The following DLGAP2 variants were observed in gnomAD, a reference collection of about 807,000 sequenced individuals.
DLGAP2 encodes the protein DLG associated protein 2.
A neutral mutation model predicts 100.3 loss-of-function variants in DLGAP2; 26 were observed. The ratio of observed to expected loss-of-function variants is 0.26; its 90% CI spans 0.19 to 0.36. The LOEUF is 0.36. DLGAP2 is among the 10% of genes least tolerant of loss of function. The pLI is 1.00. For synonymous variants in DLGAP2, 886 were observed against 630.1 expected, an observed-to-expected ratio of 1.41 and a Z score of -6.08; for missense variants, 1,858 against 1,453.2, an observed-to-expected ratio of 1.28 and a Z score of -4.53.
intron 2 of DLGAP2, among the ~76,000 whole-genome samples, chr8:1,124,117 A>C (rs538904846): frequency 6.6e-6 from 1 of 152,292 alleles, no homozygotes; most frequent in African/African-American, 2.4e-5. Flanking sequence ...CCAGAGTTTA[A>C]CGCCAATAAA....
chr8:1,491,145 C>T (rs1178828571), intron 3 of DLGAP2, among the ~76,000 whole-genome samples: 1 of 125,722 alleles, frequency 8.0e-6, no homozygotes, highest in East Asian at 2.4e-4. Context: ...AAAAAAAAAT[C>T]CAGGACGCCC....
chr8:1,224,552 C>A (rs1798377360), intron 2 of DLGAP2, among the ~76,000 whole-genome samples: 1 of 151,756 alleles, frequency 6.6e-6, no homozygotes, highest in African/African-American at 2.4e-5. Context: ...AGAAAAAAAT[C>A]AATGAAACTG....
intron 12 of DLGAP2, among the ~76,000 whole-genome samples, chr8:1,685,675 G>T (rs1198345322): frequency 6.6e-6 from 1 of 151,986 alleles, no homozygotes; most frequent in Non-Finnish European, 1.5e-5. Context: ...GAAAATGTCT[G>T]CAAACTGCCC....
At chr8:1,092,391 T>G (rs1388210532) in intron 2 of DLGAP2, among the ~76,000 whole-genome samples, 1 of 152,198 alleles carries the variant, frequency 6.6e-6, no homozygotes, top group African/African-American at 2.4e-5. Flanking sequence ...TCTTATAGCC[T>G]TTGCCGTCAG....
chr8:1,438,730 C>T (rs1301685648), intron 3 of DLGAP2, among the ~76,000 whole-genome samples: 2 of 152,196 alleles, frequency 1.3e-5, no homozygotes, highest in Non-Finnish European at 2.9e-5. Flanking sequence ...TCCGCATGCA[C>T]AGACTGTGAT....
At chr8:1,700,496 T>G (rs1256005220) in intron 14 of DLGAP2, among the ~76,000 whole-genome samples, 1 of 152,176 alleles carries the variant, frequency 6.6e-6, no homozygotes, top group Non-Finnish European at 1.5e-5. Flanking sequence ...TGGGAACAAG[T>G]GCAAGCATTA....
intron 2 of DLGAP2, among the ~76,000 whole-genome samples, chr8:1,207,394 G>A (rs1016981570): frequency 6.6e-6 from 1 of 152,212 alleles, no homozygotes; most frequent in South Asian, 2.1e-4. Context: ...CCAGGCTGCC[G>A]CAAATGCCAT....
chr8:1,192,059 G>T (rs57698762), intron 2 of DLGAP2, among the ~76,000 whole-genome samples: 1 of 152,240 alleles, frequency 6.6e-6, no homozygotes, highest in African/African-American at 2.4e-5. Flanking sequence ...CAGCCTCCCA[G>T]GGCTCTCTGA....
intron 3 of DLGAP2, among the ~76,000 whole-genome samples, chr8:1,429,447 C>G (rs1797344739): frequency 6.6e-6 from 1 of 152,050 alleles, no homozygotes. Flanking sequence ...ATTGCTGTGG[C>G]TTCCATACTA....
chr8:1,322,804 C>T (rs527563181), intron 3 of DLGAP2, among the ~76,000 whole-genome samples: 2 of 152,244 alleles, frequency 1.3e-5, no homozygotes, highest in South Asian at 2.1e-4. Context: ...TCTGATAAGC[C>T]GAGTTAATAA....
chr8:936,941 G>A (rs1380574390), intron 2 of DLGAP2, among the ~76,000 whole-genome samples: 3 of 152,194 alleles, frequency 2.0e-5, no homozygotes, highest in African/African-American at 4.8e-5. Flanking sequence ...ACGTCAATGG[G>A]TAATCAATAC....
chr8:1,140,699 C>G (rs1191796314), intron 2 of DLGAP2, among the ~76,000 whole-genome samples: 2 of 152,202 alleles, frequency 1.3e-5, no homozygotes, highest in Non-Finnish European at 1.5e-5. Context: ...TGGCCGGGCA[C>G]AATGACTCAT....
At chr8:1,122,220 GA>G (rs1055874900) in intron 2 of DLGAP2, among the ~76,000 whole-genome samples, 14 of 152,300 alleles carry the variant, frequency 9.2e-5, no homozygotes, top group Non-Finnish European at 1.8e-4. Context: ...AATGAAATGG[GA>G]CATCACTGGG....
chr8:1,020,817 C>T (rs1009892453), intron 2 of DLGAP2, among the ~76,000 whole-genome samples: 10 of 152,170 alleles, frequency 6.6e-5, no homozygotes, highest in South Asian at 4.1e-4. Flanking sequence ...CCAGGCTTTA[C>T]GGCTCCAGAG....
At chr8:1,253,376 G>A (rs986432766) in intron 2 of DLGAP2, among the ~76,000 whole-genome samples, 3 of 152,346 alleles carry the variant, frequency 2.0e-5, no homozygotes, top group Admixed American at 1.3e-4. Flanking sequence ...TTGGTGTCAG[G>A]AGGGAGGGCG....
intron 3 of DLGAP2, among the ~76,000 whole-genome samples, chr8:1,428,286 A>C (rs1435617621): frequency 1.3e-5 from 2 of 152,160 alleles, no homozygotes; most frequent in Admixed American, 6.5e-5. Flanking sequence ...TTATGATGTA[A>C]AATTTAAAAA....
chr8:1,475,932 T>G (rs1476974096), intron 3 of DLGAP2, among the ~76,000 whole-genome samples: 1 of 152,220 alleles, frequency 6.6e-6, no homozygotes, highest in African/African-American at 2.4e-5. Context: ...AAATGTCTTC[T>G]TCATTATAAA....
At chr8:811,092 A>G (rs550265074) in intron 1 of DLGAP2, among the ~76,000 whole-genome samples, 1 of 152,244 alleles carries the variant, frequency 6.6e-6, no homozygotes, top group East Asian at 1.9e-4. Context: ...TTGTTTGTGC[A>G]CGGTGCCTCC....
intron 12 of DLGAP2, among the ~76,000 whole-genome samples, chr8:1,690,061 A>G (rs1175235821): frequency 6.6e-6 from 1 of 152,180 alleles, no homozygotes; most frequent in African/African-American, 2.4e-5. Flanking sequence ...CAGCAGACTC[A>G]AGAGAGGGTG....
Sources: allele counts gnomAD v4.1 joint callset (sites outside exome capture counted in the v4.1 genomes callset), GRCh38; gene constraint gnomAD v4.1.1; transcripts MANE v1.5; gene names NCBI Gene and HGNC (gene_info 2026-07-23, HGNC 2026-07-21).